The following IPO5 variants were observed in gnomAD, a reference collection of about 807,000 sequenced individuals.
IPO5 encodes the protein importin-5.
IPO5 carries 18 observed loss-of-function variants against 143.3 expected under a neutral mutation model. That is an observed-to-expected ratio of 0.13 (90% CI 0.09 to 0.19). The LOEUF (loss-of-function observed/expected upper bound fraction) is 0.19. Ranked by LOEUF, IPO5 falls within the 10% of genes least tolerant of loss-of-function variation. The pLI is 1.00. For synonymous variants in IPO5, 477 were observed against 465.7 expected (o/e 1.02, Z -0.31); for missense variants, 1,013 against 1,336.9 (o/e 0.76, Z 3.78).
In IPO5 at chr13:98,002,598, A is replaced by G; in HGVS notation, c.1233+7A>G. ...ACTTTTTCTCCAGGATCCTGTAAGT[A>G]CCAGTAAATATTTGATTCAAAATGA... On this transcript the variant is annotated splice_region_variant and intron_variant, in intron 14 of 28. Coordinates refer to ENST00000651721, the MANE Select transcript of IPO5 (RefSeq NM_002271.6). The G allele has an allele frequency of 6.2e-7, 1 of 1,612,556 alleles. No individual in the cohort carries two copies. The highest frequency in any genetic ancestry group is 8.5e-7 in the Non-Finnish European group (1 of 1,179,364).
intron 22 of IPO5, among the ~76,000 whole-genome samples, chr13:98,014,507 G>A (rs912238054): frequency 6.6e-6 from 1 of 152,120 alleles, no homozygotes; most frequent in South Asian, 2.1e-4. Flanking sequence ...GATCCACCTC[G>A]GCCTCCCAGA....
chr13:97,954,738 G>C (rs1227960622), intron 2 of IPO5, among the ~76,000 whole-genome samples: 6 of 152,130 alleles, frequency 3.9e-5, no homozygotes, highest in Non-Finnish European at 8.8e-5. Flanking sequence ...TTAGATACCA[G>C]GGACTTGTCA....
chr13:98,019,735 G>A lies in IPO5; in HGVS notation c.2991G>A (p.Leu997=), dbSNP rs183978513. 2.8e-5 allele frequency: 45 copies of A among 1,614,126 alleles called. No homozygotes were observed. The highest frequency in any genetic ancestry group is 3.6e-5 in the Non-Finnish European group (42 of 1,179,954). The change falls in exon 27 of 29, where the codon TTG becomes TTA. Residue 997 remains leucine (L), a synonymous_variant. Coordinates refer to ENST00000651721, the MANE Select transcript of IPO5 (RefSeq NM_002271.6). ...VNVEEVLPHW[L]SWLPLHEDKE... ...TTGAAGAGGTCCTTCCACACTGGTT[G>A]TCTTGGCTTCCACTACATGAAGATA...
At chr13:97,960,805 C>T (rs1256712982) in intron 2 of IPO5, among the ~76,000 whole-genome samples, 4 of 152,138 alleles carry the variant, frequency 2.6e-5, no homozygotes, top group Non-Finnish European at 4.4e-5. Context: ...GTGATCCACT[C>T]GCCTGAGCCT....
At chr13:97,957,554 G>A (rs1315784284) in intron 2 of IPO5, among the ~76,000 whole-genome samples, 1 of 152,004 alleles carries the variant, frequency 6.6e-6, no homozygotes, top group African/African-American at 2.4e-5. Context: ...TAAGTGAGAG[G>A]TAGAGAATTA....
intron 11 of IPO5, among the ~76,000 whole-genome samples, chr13:97,996,688 C>G (rs1359194357): frequency 6.6e-6 from 1 of 152,062 alleles, no homozygotes; most frequent in Non-Finnish European, 1.5e-5. Flanking sequence ...CAGCGAGCTC[C>G]ACCTCCCAGG....
intron 28 of IPO5, 138 bp downstream of exon 28, chr13:98,021,271 C>T: frequency 1.5e-6 from 1 of 682,986 alleles, no homozygotes; most frequent in Non-Finnish European, 2.3e-6. Flanking sequence ...CTCCAAGCCT[C>T]AAATGGATTA....
chr13:98,006,358 T>C lies in IPO5; in HGVS notation c.1716+10T>C, dbSNP rs1313126245. 1.3e-5 allele frequency: 2 copies of C among 155,126 alleles called. No individual in the cohort carries two copies. Among genetic ancestry groups the C allele is most frequent in the Non-Finnish European group, 1.8e-5 (2 of 108,758 alleles). 9.6% of individuals were successfully genotyped at this position (155,126 alleles called of 1,614,324 possible). ...TGTTGGGAAGGAAAAAGTAAGTAAT[T>C]TTTTTTTTTTTTTTTTTTTTTTTTT... On this transcript the variant is annotated intron_variant, in intron 17 of 28. Transcript: ENST00000651721.
At chr13:97,990,022 G>A (rs887104527) in intron 7 of IPO5, 104 bp from the exon 8 acceptor site, 32 of 709,612 alleles carry the variant, frequency 4.5e-5, no homozygotes, top group South Asian at 1.0e-4. Flanking sequence ...GGATTAATGC[G>A]TACTGAGTCA....
rs1336857423 is a variant in IPO5 at position 98,000,665 on chromosome 13, T to C, written c.1108+20T>C. The C allele has an allele frequency of 6.6e-7, 1 of 1,518,552 alleles. No individual in the cohort carries two copies. Among genetic ancestry groups the C allele is most frequent in the East Asian group, 2.3e-5 (1 of 44,402 alleles). 94.1% of individuals were successfully genotyped at this position (1,518,552 alleles called of 1,614,324 possible). A position where few individuals can be genotyped will look rare whatever the true frequency, so the allele number is the denominator to read the frequency against. On this transcript the variant is annotated intron_variant, in intron 13 of 28. Transcript: ENST00000651721. ...AAAATCGTAAGCTGTGTCCTTCAAA[T>C]GCTAGAAGAGTGAAGTTGTGCCCTT...
rs1304224690 is a variant in IPO5, at chr13:98,012,339, G to A, written c.2149G>A (p.Asp717Asn). ...MVPLLKFYFH[D>N]GVRVAAAESM... Reference sequence around the variant, plus strand: ...CCCTTTACTGAAATTTTATTTCCACGATGATATCCTACAACTTCTGAATAC... The same window carrying A: ...CCCTTTACTGAAATTTTATTTCCACAATGATATCCTACAACTTCTGAATAC... Residue 717 changes from aspartate to asparagine, a missense_variant, in exon 21 of 29, where the codon GAT (aspartate) becomes AAT (asparagine). Asp to Asn is a conservative substitution (Grantham distance 23, BLOSUM62 1). Coordinates refer to ENST00000651721, the MANE Select transcript of IPO5 (RefSeq NM_002271.6). 5.2e-6 allele frequency: 8 copies of A among 1,552,596 alleles called. No individual in the cohort carries two copies. The highest frequency in any genetic ancestry group is 1.7e-5 in the Admixed American group (1 of 59,906).
chr13:97,983,188 G>A (rs1887001687), intron 5 of IPO5, among the ~76,000 whole-genome samples: 3 of 152,146 alleles, frequency 2.0e-5, no homozygotes, highest in South Asian at 2.1e-4. Flanking sequence ...AGTGCTTTTT[G>A]CAGCTAAAAG....
intron 4 of IPO5, 86 bp from the exon 5 acceptor site, chr13:97,982,417 A>C (rs1406889764): frequency 1.9e-5 from 16 of 842,788 alleles, no homozygotes; most frequent in Non-Finnish European, 2.5e-5. Flanking sequence ...TTTCTCATGC[A>C]TCCTTCCCAC....
intron 12 of IPO5, 30 bp downstream of exon 12, chr13:97,997,648 T>C: frequency 2.1e-6 from 3 of 1,433,362 alleles, no homozygotes; most frequent in Non-Finnish European, 2.9e-6. Flanking sequence ...AGGGTGGCAG[T>C]GAAAGCCCTA....
chr13:97,979,721 A>G (rs1249098691), intron 4 of IPO5: 10 of 331,978 alleles, frequency 3.0e-5, no homozygotes, highest in South Asian at 2.3e-4. Context: ...TTGTAGAGAC[A>G]GGGTCTTGCT....
At chr13:97,986,057 G>A (rs1161482852) in intron 6 of IPO5, among the ~76,000 whole-genome samples, 2 of 152,048 alleles carry the variant, frequency 1.3e-5, no homozygotes, top group African/African-American at 2.4e-5. Context: ...GGAGACTACA[G>A]TAAGCGGTGA....
rs758998261 is a variant in IPO5 at position 98,024,076 on chromosome 13, T to TA, written c.*2255dup. The TA allele has an allele frequency of 3.3e-5, 5 of 152,218 alleles. No homozygotes were observed. Among genetic ancestry groups the TA allele is most frequent in the Non-Finnish European group, 7.3e-5 (5 of 68,040 alleles). The allele number at this position is 152,218 out of a possible 1,614,324, so 9.4% of individuals were successfully genotyped here. A position where few individuals can be genotyped will look rare whatever the true frequency, so the allele number is the denominator to read the frequency against. Reference sequence around the variant, plus strand: ...GGAGGGGAAAAATGTGTGTGGCTCTTACGTTTTCTGGGAATTTTGTAACAA... The same window carrying TA: ...GGAGGGGAAAAATGTGTGTGGCTCTTAACGTTTTCTGGGAATTTTGTAACAA... On this transcript the variant is annotated 3_prime_UTR_variant, in exon 29 of 29. Coordinates refer to ENST00000651721, the MANE Select transcript of IPO5 (RefSeq NM_002271.6).
intron 26 of IPO5, 55 bp downstream of exon 26, chr13:98,018,759 T>C (rs1285138172): frequency 7.6e-7 from 1 of 1,307,414 alleles, no homozygotes; most frequent in East Asian, 2.3e-5. Context: ...TGTGAATCCC[T>C]ACTTTACTCT....
At chr13:97,960,561 GTT>G (rs67034804) in intron 2 of IPO5, among the ~76,000 whole-genome samples, 11 of 141,670 alleles carry the variant, frequency 7.8e-5, no homozygotes, top group East Asian at 2.1e-4. Flanking sequence ...TATTTATTTG[GTT>G]TTTTTTTTTT....
Sources: gnomAD v4.1 joint callset for allele counts (sites outside exome capture counted in the v4.1 genomes callset) on GRCh38, gnomAD v4.1.1 for gene constraint, MANE v1.5 for transcripts, NCBI Gene and HGNC (gene_info 2026-07-23, HGNC 2026-07-21) for gene names.